The following TPRX2 variants were observed in gnomAD, a reference collection of about 807,000 sequenced individuals.
TPRX2 encodes the protein tetrapeptide repeat homeobox 2.
At chr19:47,861,203 C>G in the TPRX2 span, 2 of 623,556 alleles carry the variant, frequency 3.2e-6, no homozygotes, top group East Asian at 6.7e-5. Context: ...CACTGTCAGT[C>G]TCGATCCCCG....
chr19:47,860,902 C>T, the TPRX2 span: 16 of 1,530,250 alleles, frequency 1.0e-5, no homozygotes, highest in East Asian at 2.4e-4. Context: ...GCCCGCGCTG[C>T]GCCCCTAGTC....
At chr19:47,861,442 C>G in the TPRX2 span, 1 of 756,458 alleles carries the variant, frequency 1.3e-6, no homozygotes, top group Admixed American at 2.0e-5. Context: ...ACCACGACGT[C>G]TCAGTACAAA....
chr19:47,859,365 T>G, the TPRX2 span, among the ~76,000 whole-genome samples: 1 of 150,222 alleles, frequency 6.7e-6, no homozygotes, highest in Non-Finnish European at 1.5e-5. Context: ...GCTGGGCCTG[T>G]GCGGGCGGCT....
At chr19:47,861,369 T>G in the TPRX2 span, 2 of 477,968 alleles carry the variant, frequency 4.2e-6, no homozygotes, top group South Asian at 3.1e-5. Flanking sequence ...AGACACCCAG[T>G]TATACCCTGA....
At chr19:47,860,866 G>A in the TPRX2 span, 59 of 1,533,632 alleles carry the variant, frequency 3.8e-5, no homozygotes, top group South Asian at 3.9e-4. Flanking sequence ...CAGCCCCAGC[G>A]CGTCCCTGGG....
the TPRX2 span, among the ~76,000 whole-genome samples, chr19:47,860,535 C>T: frequency 6.6e-6 from 1 of 151,722 alleles, no homozygotes; most frequent in Non-Finnish European, 1.5e-5. Context: ...TGAGAACCCG[C>T]GGTCCCTCCC....
the TPRX2 span, chr19:47,861,287 C>G: frequency 6.1e-6 from 3 of 495,270 alleles, no homozygotes; most frequent in African/African-American, 1.9e-5. Context: ...TGATGCCAGG[C>G]CCAGGATCAC....
chr19:47,861,003 C>T, the TPRX2 span: 2 of 1,085,520 alleles, frequency 1.8e-6, no homozygotes, highest in Non-Finnish European at 2.7e-6. Flanking sequence ...CTGGGGAGTC[C>T]TCCCAGCAGC....
the TPRX2 span, chr19:47,860,769 TCA>T: frequency 6.5e-7 from 1 of 1,527,388 alleles, no homozygotes; most frequent in Non-Finnish European, 8.7e-7. Context: ...AGTCCCTCCT[TCA>T]CACCTTCTCC....
At chr19:47,860,859 C>A in the TPRX2 span, 1 of 1,533,052 alleles carries the variant, frequency 6.5e-7, no homozygotes, top group Admixed American at 2.0e-5. Context: ...CCAGCAGCAG[C>A]CCCAGCGCGT....
At chr19:47,861,051 G>A in the TPRX2 span, 1 of 806,150 alleles carries the variant, frequency 1.2e-6, no homozygotes, top group Non-Finnish European at 2.1e-6. Context: ...GACCTGGGGT[G>A]GCCCTGAGTG....
chr19:47,859,782 T>A, the TPRX2 span, among the ~76,000 whole-genome samples: 1 of 133,722 alleles, frequency 7.5e-6, no homozygotes, highest in Non-Finnish European at 1.7e-5. Flanking sequence ...AGGTGGCGGC[T>A]CCCCTGCAAG....
the TPRX2 span, among the ~76,000 whole-genome samples, chr19:47,860,487 C>T: frequency 6.6e-6 from 1 of 151,622 alleles, no homozygotes. Flanking sequence ...CAGGCTGTCC[C>T]CCACGGGGTC....
At chr19:47,860,856 C>G in the TPRX2 span, 2 of 1,532,668 alleles carry the variant, frequency 1.3e-6, no homozygotes. Context: ...GCTCCAGCAG[C>G]AGCCCCAGCG....
chr19:47,861,263 C>T, the TPRX2 span: 1 of 519,348 alleles, frequency 1.9e-6, no homozygotes, highest in African/African-American at 1.9e-5. Context: ...CAGACCCAGT[C>T]CTAGGCCGAA....
the TPRX2 span, chr19:47,861,246 C>G: frequency 1.8e-6 from 1 of 544,290 alleles, no homozygotes; most frequent in Non-Finnish European, 3.5e-6. Flanking sequence ...TTGCCCAGGC[C>G]CAATCCCAGA....
the TPRX2 span, among the ~76,000 whole-genome samples, chr19:47,860,644 C>T: frequency 6.6e-6 from 1 of 151,286 alleles, no homozygotes; most frequent in Non-Finnish European, 1.5e-5. Flanking sequence ...CCTCTTCCCT[C>T]CCTTCTCCAG....
At chr19:47,861,316 G>C in the TPRX2 span, 1 of 480,746 alleles carries the variant, frequency 2.1e-6, no homozygotes, top group Admixed American at 2.3e-5. Flanking sequence ...CCAGCCCCAG[G>C]CGCCTTGTGG....
chr19:47,861,301 C>A, the TPRX2 span: 1 of 489,414 alleles, frequency 2.0e-6, no homozygotes, highest in South Asian at 1.5e-5. Context: ...GGATCACTCC[C>A]AACCCCAGCC....
Sources: allele counts gnomAD v4.1 joint callset (sites outside exome capture counted in the v4.1 genomes callset), GRCh38; gene constraint gnomAD v4.1.1; transcripts MANE v1.5; gene names NCBI Gene and HGNC (gene_info 2026-07-23, HGNC 2026-07-21).